Variants in GSG1 observed in about 807,000 individuals in gnomAD.
GSG1 encodes the protein germ cell associated 1.
Under a neutral mutation model 30.8 loss-of-function variants are expected in GSG1, and 28 were observed. That is an observed-to-expected ratio of 0.91 (90% confidence interval 0.67 to 1.25). The LOEUF (loss-of-function observed/expected upper bound fraction) is 1.25, where lower values mean the gene tolerates loss of function less well. Among genes scored for constraint, GSG1 ranks in the 50% most tolerant of loss-of-function variants. The pLI, the probability that GSG1 is intolerant of heterozygous loss-of-function variation, is 0.00. For missense variants in GSG1, 435 were observed against 444.7 expected (o/e 0.98, Z 0.20); for synonymous variants, 162 against 178.0 (o/e 0.91, Z 0.71).
intron 1 of GSG1, among the ~76,000 whole-genome samples, chr12:13,094,089 A>C (rs567816419): frequency 4.0e-5 from 6 of 150,788 alleles, no homozygotes; most frequent in African/African-American, 1.4e-4. Flanking sequence ...AATTAATCAC[A>C]CTTAAATCTG....
chr12:13,085,273 A>C, intron 6 of GSG1, 30 bp from the exon 7 acceptor site: 2 of 1,561,428 alleles, frequency 1.3e-6, no homozygotes, highest in South Asian at 1.2e-5. Context: ...AAGATTGGAC[A>C]GTAAGAATAG....
Position 13,085,096 on chromosome 12 carries a change from G to T in GSG1, c.894C>A (p.Phe298Leu), listed in dbSNP as rs749214852. 64 of 1,613,862 alleles carry T rather than the reference G, an allele frequency of 4.0e-5. No individual in the cohort carries two copies. The highest frequency in any genetic ancestry group is 2.0e-4 in the Admixed American group (12 of 59,984). ...PNCLPHHHQCFPRRLSSAAPT... is the reference protein window; with the variant it reads ...PNCLPHHHQCLPRRLSSAAPT... The stretch of plus-strand genomic sequence containing the variant: ...GGGCTGCACTTGACAGCCGCCGAGG[G>T]AAACACTGATGGTGATGTGGTAGGC... Residue 298 changes from phenylalanine to leucine, a missense_variant, in exon 7 of 7, where the codon TTC (phenylalanine) becomes TTA (leucine). Phe to Leu is a conservative substitution (Grantham distance 22). Transcript: ENST00000651961.
intron 1 of GSG1, among the ~76,000 whole-genome samples, chr12:13,092,805 T>G (rs1203107875): frequency 6.9e-6 from 1 of 145,436 alleles, no homozygotes; most frequent in East Asian, 2.0e-4. Flanking sequence ...TTTTTTTTTT[T>G]ATTGAGACGG....
chr12:13,088,401 T>C (rs1865751240), intron 4 of GSG1, among the ~76,000 whole-genome samples: 1 of 152,178 alleles, frequency 6.6e-6, no homozygotes, highest in Admixed American at 6.6e-5. Flanking sequence ...AATTTTGGGG[T>C]GGTTCCCTCC....
chr12:13,090,401 GGGCAACGCCA>G (rs1865966823), intron 2 of GSG1, 92 bp downstream of exon 2: 1 of 1,107,998 alleles, frequency 9.0e-7, no homozygotes, highest in African/African-American at 1.6e-5. Context: ...TGCACTTCCA[GGGCAACGCCA>G]GCCCTAAGCG....
chr12:13,084,857 G>T lies in GSG1; in HGVS notation c.*44C>A, dbSNP rs757723608. ...AAGCACATGTTGATAATCAGCAGAC[G>T]TGTAAGGTAGGGCTCAAGCCTACTC... On this transcript the variant is annotated 3_prime_UTR_variant, in exon 7 of 7. Transcript: ENST00000651961. The T allele has an allele frequency of 1.6e-6, 2 of 1,278,196 alleles. No individual in the cohort carries two copies. Among genetic ancestry groups the T allele is most frequent in the Non-Finnish European group, 2.2e-6 (2 of 921,424 alleles). The allele number at this position is 1,278,196 out of a possible 1,614,324, so 79.2% of individuals were successfully genotyped here.
intron 6 of GSG1, among the ~76,000 whole-genome samples, chr12:13,086,605 G>T (rs1591616586): frequency 6.6e-6 from 1 of 152,138 alleles, no homozygotes; most frequent in South Asian, 2.1e-4. Context: ...ACTCTAAAAT[G>T]ACTGACCCCT....
At chr12:13,086,546 C>T (rs1865542060) in intron 6 of GSG1, among the ~76,000 whole-genome samples, 2 of 152,184 alleles carry the variant, frequency 1.3e-5, no homozygotes, top group African/African-American at 4.8e-5. Flanking sequence ...TAATATTTAA[C>T]TTGAATGTGT....
intron 1 of GSG1, among the ~76,000 whole-genome samples, chr12:13,092,717 T>C (rs1866267185): frequency 6.6e-6 from 1 of 152,150 alleles, no homozygotes; most frequent in Non-Finnish European, 1.5e-5. Context: ...ACTAAACTGC[T>C]GAGTAAATTG....
intron 1 of GSG1, among the ~76,000 whole-genome samples, chr12:13,099,663 G>GT (rs1565550764): frequency 1.3e-5 from 2 of 151,846 alleles, no homozygotes; most frequent in African/African-American, 4.8e-5. Context: ...AATGACAAGC[G>GT]TGAATGCTGA....
chr12:13,090,468 A>AT, intron 2 of GSG1, 35 bp downstream of exon 2: 1 of 1,572,854 alleles, frequency 6.4e-7, no homozygotes, highest in East Asian at 2.2e-5. Context: ...GCCCGCCCTG[A>AT]CCCCGTTGCT....
In GSG1 at chr12:13,093,866, T is replaced by A. The variant is rs1866403280; in HGVS notation, c.49-3048A>T. 6.6e-6 allele frequency among the ~76,000 whole-genome samples: 1 copy of A among 152,226 alleles called. No homozygotes were observed. The highest frequency in any genetic ancestry group is 6.5e-5 in the Admixed American group (1 of 15,290). On this transcript the variant is annotated intron_variant, in intron 1 of 6. Coordinates refer to ENST00000651961, the MANE Select transcript of GSG1 (RefSeq NM_001080555.4). The surrounding 1 kb of genome is among the most constrained non-coding windows in gnomAD (Gnocchi z 4.6). ...AAGAGGAGGCAAGCTAAAATATGAC[T>A]GGTATTAGACGGCCAACTTTGCTGA...
chr12:13,101,439 T>A lies in GSG1; in HGVS notation c.48+2026A>T, dbSNP rs547125317. 6.6e-6 allele frequency among the ~76,000 whole-genome samples: 1 copy of A among 152,168 alleles called. No individual in the cohort carries two copies. The highest frequency in any genetic ancestry group is 1.5e-5 in the Non-Finnish European group (1 of 68,020). On this transcript the variant is annotated intron_variant, in intron 1 of 6. Transcript: ENST00000651961. The surrounding 1 kb of genome is among the most constrained non-coding windows in gnomAD (Gnocchi z 5.8). ...GGGCGGGGGTACCCGGGCTGTTTCT[T>A]CCTCTGGGTCTTCCTCCGTCGGTTG...
chr12:13,103,595 G>T lies in GSG1; in HGVS notation c.-83C>A, dbSNP rs1051490464. 5 of 1,468,806 alleles carry T rather than the reference G, an allele frequency of 3.4e-6. No individual in the cohort carries two copies. Among genetic ancestry groups the T allele is most frequent in the African/African-American group, 1.4e-5 (1 of 72,108 alleles). 91.0% of individuals were successfully genotyped at this position (1,468,806 alleles called of 1,614,324 possible). ...CAGTTGGGTAGAATGAGTGTTTAGC[G>T]TGAGGATGAATCAGGTCCCCTCTTG... On this transcript the variant is annotated 5_prime_UTR_variant, in exon 1 of 7. Transcript: ENST00000651961.
chr12:13,088,366 T>C (rs1044485953), intron 4 of GSG1, among the ~76,000 whole-genome samples: 71 of 152,342 alleles, frequency 4.7e-4, no homozygotes, highest in African/African-American at 1.7e-3. Context: ...GCTCTAGTTA[T>C]CATTTTTTGT....
intron 1 of GSG1, chr12:13,095,863 G>A: frequency 7.8e-7 from 1 of 1,278,176 alleles, no homozygotes. Context: ...GCTTGCCAAT[G>A]GGGATCTGGG....
rs57762367 is a variant in GSG1 at position 13,099,750 on chromosome 12, G to GTTTTTTTTT, written c.48+3706_48+3714dup. On this transcript the variant is annotated intron_variant, in intron 1 of 6. Transcript: ENST00000651961. Reference sequence around the variant, plus strand: ...GCTAAGGGATCCGGTGTTTTTTTTTGTTTTTTTTTTTTTTTTTTGTTTTTT... The same window carrying GTTTTTTTTT: ...GCTAAGGGATCCGGTGTTTTTTTTTGTTTTTTTTTTTTTTTTTTTTTTTTTTTGTTTTTT... Among the ~76,000 whole-genome samples the GTTTTTTTTT allele has an allele frequency of 1.6e-3, 181 of 114,772 alleles. 1 individual carries two copies. Among genetic ancestry groups the GTTTTTTTTT allele is most frequent in the Non-Finnish European group, 2.1e-3 (116 of 55,520 alleles). 75.3% of individuals were successfully genotyped at this position (114,772 alleles called of 152,430 possible). A position where few individuals can be genotyped will look rare whatever the true frequency, so the allele number is the denominator to read the frequency against.
chr12:13,088,369 T>C (rs563243594), intron 4 of GSG1, among the ~76,000 whole-genome samples: 1 of 152,338 alleles, frequency 6.6e-6, no homozygotes, highest in Admixed American at 6.5e-5. Context: ...CTAGTTATCA[T>C]TTTTTGTCTT....
chr12:13,087,324 G>C, intron 5 of GSG1, 61 bp from the exon 6 acceptor site: 1 of 1,300,328 alleles, frequency 7.7e-7, no homozygotes, highest in Non-Finnish European at 1.1e-6. Flanking sequence ...TCTGCCAGGA[G>C]TACGATTTTG....
Sources: allele counts gnomAD v4.1 joint callset (sites outside exome capture counted in the v4.1 genomes callset), GRCh38; gene constraint gnomAD v4.1.1; non-coding constraint Gnocchi (gnomAD v3.1); transcripts MANE v1.5; gene names NCBI Gene and HGNC (gene_info 2026-07-23, HGNC 2026-07-21).